The following SCAPER variants were observed in gnomAD, a reference collection of about 807,000 sequenced individuals.
SCAPER encodes S phase cyclin A-associated protein in the endoplasmic reticulum.
In SCAPER, 98 loss-of-function variants were observed where a neutral mutation model predicts 182.2. The ratio of observed to expected loss-of-function variants is 0.54; its 90% CI spans 0.46 to 0.64. SCAPER has a LOEUF of 0.64. Among genes scored for constraint, SCAPER ranks in the 30% least tolerant of loss-of-function variants. SCAPER has a pLI of 0.00. For synonymous variants in SCAPER, 605 were observed against 564.6 expected, an observed-to-expected ratio of 1.07 and a Z score of -1.01; for missense variants, 1,432 against 1,690.0, an observed-to-expected ratio of 0.85 and a Z score of 2.68.
intron 27 of SCAPER, among the ~76,000 whole-genome samples, chr15:76,392,113 A>C (rs2043736146): frequency 6.6e-6 from 1 of 152,226 alleles, no homozygotes. Context: ...AGAAATTGCC[A>C]GTAGGAATTC....
chr15:76,383,679 G>A (rs2043112887), intron 27 of SCAPER, among the ~76,000 whole-genome samples: 1 of 152,226 alleles, frequency 6.6e-6, no homozygotes, highest in African/African-American at 2.4e-5. Context: ...ATAAGGTGAA[G>A]TGTTTTAGGT....
At chr15:76,643,776 T>A (rs1426751331) in intron 21 of SCAPER, among the ~76,000 whole-genome samples, 2 of 152,224 alleles carry the variant, frequency 1.3e-5, no homozygotes, top group Non-Finnish European at 2.9e-5. Context: ...TTTTAGGGTC[T>A]CCTAACTATA....
At chr15:76,397,382 G>A (rs2044138704) in intron 27 of SCAPER, among the ~76,000 whole-genome samples, 1 of 150,458 alleles carries the variant, frequency 6.6e-6, no homozygotes, top group African/African-American at 2.4e-5. Flanking sequence ...TTTTGGAATA[G>A]TTTGAGTAGG....
At chr15:76,640,515 C>A (rs1174037744) in intron 21 of SCAPER, among the ~76,000 whole-genome samples, 1 of 152,212 alleles carries the variant, frequency 6.6e-6, no homozygotes, top group East Asian at 1.9e-4. Flanking sequence ...GATGGTATCT[C>A]TAAGGGGTTA....
At chr15:76,860,681 G>C (rs1260818871) in intron 3 of SCAPER, among the ~76,000 whole-genome samples, 1 of 151,990 alleles carries the variant, frequency 6.6e-6, no homozygotes, top group Non-Finnish European at 1.5e-5. Context: ...GATAAAATTA[G>C]ATCCGTACCA....
intron 26 of SCAPER, among the ~76,000 whole-genome samples, chr15:76,414,849 T>C (rs372792263): frequency 3.3e-4 from 51 of 152,340 alleles, no homozygotes; most frequent in African/African-American, 1.1e-3. Flanking sequence ...ATTAAGAATA[T>C]AGAATTATGT....
At chr15:76,357,194 A>G (rs2041045250) in intron 29 of SCAPER, among the ~76,000 whole-genome samples, 1 of 148,348 alleles carries the variant, frequency 6.7e-6, no homozygotes, top group Non-Finnish European at 1.5e-5. Flanking sequence ...ACACACCCCT[A>G]TGGCCACTCA....
At chr15:76,861,215 A>C (rs1262527477) in intron 3 of SCAPER, among the ~76,000 whole-genome samples, 1 of 152,208 alleles carries the variant, frequency 6.6e-6, no homozygotes, top group Non-Finnish European at 1.5e-5. Flanking sequence ...GTACTGTTTC[A>C]ACAAAAACAG....
chr15:76,899,016 ATT>A (rs2074593195), intron 1 of SCAPER, among the ~76,000 whole-genome samples: 3 of 152,224 alleles, frequency 2.0e-5, no homozygotes, highest in Admixed American at 6.5e-5. Context: ...CCTTCATGAT[ATT>A]TGCCATAACT....
rs553282428 is a variant in SCAPER, at chr15:76,582,558, G to A, written c.2712-8274C>T. On this transcript the variant is annotated intron_variant, in intron 22 of 31. Transcript: ENST00000563290. Reference sequence around the variant, plus strand: ...CAATGCAATCTATCAAAATACTAACGAAATAAGTATTTTTCTATTTCACGG... The same window carrying A: ...CAATGCAATCTATCAAAATACTAACAAAATAAGTATTTTTCTATTTCACGG... 3.7e-4 allele frequency among the ~76,000 whole-genome samples: 57 copies of A among 152,184 alleles called. No individual in the cohort carries two copies. The East Asian group carries it at 9.9e-3, about 26-fold the overall frequency.
At chr15:76,401,154 A>C (rs1760485027) in intron 27 of SCAPER, among the ~76,000 whole-genome samples, 1 of 152,094 alleles carries the variant, frequency 6.6e-6, no homozygotes, top group South Asian at 2.1e-4. Context: ...GTATATGATA[A>C]TCTTATATCA....
At chr15:76,740,912 C>T (rs370208716) in intron 15 of SCAPER, among the ~76,000 whole-genome samples, 9 of 151,916 alleles carry the variant, frequency 5.9e-5, no homozygotes, top group Non-Finnish European at 7.4e-5. Context: ...GGATGATATA[C>T]GAGTGCTAAT....
At chr15:76,608,160 G>C (rs1044645930) in intron 22 of SCAPER, among the ~76,000 whole-genome samples, 1 of 151,954 alleles carries the variant, frequency 6.6e-6, no homozygotes, top group African/African-American at 2.4e-5. Context: ...ATCTACCTTT[G>C]GTCTTTGATG....
In SCAPER at chr15:76,466,365, T is replaced by C. The variant is rs188529157; in HGVS notation, c.3078+4847A>G. Among the ~76,000 whole-genome samples the C allele has an allele frequency of 2.0e-5, 3 of 151,194 alleles. No individual in the cohort carries two copies. In the East Asian group the frequency reaches 5.8e-4, roughly 29 times the overall value. On this transcript the variant is annotated intron_variant, in intron 25 of 31. Coordinates refer to ENST00000563290, the MANE Select transcript of SCAPER (RefSeq NM_020843.4). ...TGAGTCTGCTGTTGAACCCCTATTG[T>C]GAATTTTTCAGTGTAGCTATTGTAT...
intron 8 of SCAPER, among the ~76,000 whole-genome samples, chr15:76,779,594 G>A (rs1050113013): frequency 2.0e-5 from 3 of 151,930 alleles, no homozygotes; most frequent in Non-Finnish European, 2.9e-5. Flanking sequence ...GGTTTCTCTG[G>A]CAAATTCAAC....
At chr15:76,802,522 G>A (rs1288514893) in intron 6 of SCAPER, among the ~76,000 whole-genome samples, 2 of 152,190 alleles carry the variant, frequency 1.3e-5, no homozygotes, top group African/African-American at 2.4e-5. Context: ...AGGGACTGTG[G>A]ATGAAGTAGG....
intron 22 of SCAPER, among the ~76,000 whole-genome samples, chr15:76,591,834 T>A (rs1352633319): frequency 2.0e-5 from 3 of 151,924 alleles, no homozygotes; most frequent in Non-Finnish European, 2.9e-5. Context: ...CCAAAGTGGG[T>A]GGATTGCTTT....
intron 25 of SCAPER, among the ~76,000 whole-genome samples, chr15:76,436,143 C>G (rs924975131): frequency 2.0e-5 from 3 of 152,196 alleles, no homozygotes; most frequent in Admixed American, 1.3e-4. Context: ...TCTCAGCTCT[C>G]TGCAACCTCT....
intron 26 of SCAPER, among the ~76,000 whole-genome samples, chr15:76,419,223 C>T (rs1046917236): frequency 6.6e-6 from 1 of 151,956 alleles, no homozygotes; most frequent in African/African-American, 2.4e-5. Context: ...CTAGGACCCA[C>T]CTACAGGTGG....
Sources: allele counts gnomAD v4.1 joint callset (sites outside exome capture counted in the v4.1 genomes callset), GRCh38; gene constraint gnomAD v4.1.1; transcripts MANE v1.5; gene names NCBI Gene and HGNC (gene_info 2026-07-23, HGNC 2026-07-21).